The following SRGAP2 variants were observed in gnomAD, a reference collection of about 807,000 sequenced individuals.
SRGAP2 encodes the protein SLIT-ROBO Rho GTPase-activating protein 2.
A neutral mutation model predicts 57.2 loss-of-function variants in SRGAP2; 15 were observed. The ratio of observed to expected loss-of-function variants is 0.26; its 90% CI spans 0.18 to 0.40. SRGAP2 has a LOEUF of 0.40. SRGAP2 is among the 10% of genes least tolerant of loss of function. The pLI, the probability that SRGAP2 is intolerant of heterozygous loss-of-function variation, is 1.00. For missense variants in SRGAP2, 520 were observed against 669.6 expected (o/e 0.78, Z 2.47); for synonymous variants, 249 against 248.0 (o/e 1.00, Z -0.04).
intron 2 of SRGAP2, among the ~76,000 whole-genome samples, chr1:206,249,554 G>A (rs183859483): frequency 6.7e-6 from 1 of 148,980 alleles, no homozygotes; most frequent in African/African-American, 2.5e-5. Context: ...GAGAACATAC[G>A]GGCACAGTGT....
chr1:206,363,978 C>T (rs523647), intron 4 of SRGAP2, among the ~76,000 whole-genome samples: 79,174 of 145,774 alleles, frequency 0.54, 22,035 homozygotes, highest in East Asian at 0.72. Flanking sequence ...CTGAAACAAT[C>T]CTACTAGCGG....
intron 10 of SRGAP2, among the ~76,000 whole-genome samples, chr1:206,415,119 TC>T (rs1442397755): frequency 6.6e-6 from 1 of 152,186 alleles, no homozygotes; most frequent in Admixed American, 6.5e-5. Context: ...TGATGATAGT[TC>T]CTAGGGTTGT....
At chr1:206,422,322 C>T (rs1660395367) in intron 13 of SRGAP2, among the ~76,000 whole-genome samples, 1 of 152,184 alleles carries the variant, frequency 6.6e-6, no homozygotes, top group Non-Finnish European at 1.5e-5. Context: ...ACTATTTTCC[C>T]CTTCTCTACT....
At chr1:206,238,905 A>G (rs1366342557) in intron 2 of SRGAP2, among the ~76,000 whole-genome samples, 1 of 146,692 alleles carries the variant, frequency 6.8e-6, no homozygotes, top group African/African-American at 2.5e-5. Flanking sequence ...CTTGTGAACA[A>G]GCTGCTTGCA....
At chr1:206,452,812 G>A (rs1243666776) in intron 19 of SRGAP2, among the ~76,000 whole-genome samples, 1 of 150,824 alleles carries the variant, frequency 6.6e-6, no homozygotes, top group African/African-American at 2.5e-5. Context: ...CGTAAACCCG[G>A]GAGGCAGAGG....
At chr1:206,253,736 C>T (rs1300381966) in intron 2 of SRGAP2, among the ~76,000 whole-genome samples, 3 of 151,272 alleles carry the variant, frequency 2.0e-5, no homozygotes, top group African/African-American at 4.9e-5. Flanking sequence ...CGCCCGCCAC[C>T]AGGCCCGGCT....
chr1:206,212,889 GA>G (rs1220728102), intron 2 of SRGAP2, among the ~76,000 whole-genome samples: 5 of 126,836 alleles, frequency 3.9e-5, no homozygotes, highest in South Asian at 2.8e-4. Context: ...ATCTTTGCAA[GA>G]AAAAAAAACA....
intron 2 of SRGAP2, among the ~76,000 whole-genome samples, chr1:206,241,318 T>A (rs1310401144): frequency 6.6e-6 from 1 of 152,164 alleles, no homozygotes; most frequent in Non-Finnish European, 1.5e-5. Flanking sequence ...CGGGAGTGGC[T>A]AGCCCTTGTT....
intron 2 of SRGAP2, among the ~76,000 whole-genome samples, chr1:206,258,226 T>C (rs1669315254): frequency 6.6e-6 from 1 of 151,954 alleles, no homozygotes; most frequent in Admixed American, 6.6e-5. Flanking sequence ...GAATAAGCCA[T>C]ATTGGAACAG....
At chr1:206,383,538 T>C (rs1260151834) in intron 4 of SRGAP2, among the ~76,000 whole-genome samples, 4 of 152,154 alleles carry the variant, frequency 2.6e-5, no homozygotes, top group Non-Finnish European at 5.9e-5. Context: ...GTAAGAAATA[T>C]AGTTCCATCC....
intron 3 of SRGAP2, among the ~76,000 whole-genome samples, chr1:206,337,071 G>A (rs1329190167): frequency 1.4e-5 from 2 of 143,366 alleles, no homozygotes; most frequent in African/African-American, 5.9e-5. Flanking sequence ...ATGCAGATTG[G>A]CGGGTTTGAT....
chr1:206,283,125 A>G (rs1283255176), intron 2 of SRGAP2, among the ~76,000 whole-genome samples: 47 of 152,126 alleles, frequency 3.1e-4, no homozygotes, highest in Non-Finnish European at 5.0e-4. Context: ...TTCTTCCCAT[A>G]GGTAATTCCA....
chr1:206,221,946 CTT>C (rs782815485), intron 2 of SRGAP2, among the ~76,000 whole-genome samples: 3 of 35,262 alleles, frequency 8.5e-5, no homozygotes, highest in African/African-American at 3.8e-4. Context: ...GATATCCGGC[CTT>C]TTTTTTTTTT....
intron 2 of SRGAP2, among the ~76,000 whole-genome samples, chr1:206,241,843 T>C (rs1353950280): frequency 6.6e-6 from 1 of 151,916 alleles, no homozygotes; most frequent in East Asian, 1.9e-4. Flanking sequence ...ATGATTGCTC[T>C]ATGGATTTAA....
At chr1:206,394,047 T>A in intron 7 of SRGAP2, among the ~76,000 whole-genome samples, 1 of 89,242 alleles carries the variant, frequency 1.1e-5, no homozygotes, top group African/African-American at 5.0e-5. Flanking sequence ...CCTTTTTTTT[T>A]TTTTTTTTTT....
chr1:206,281,925 C>A (rs1380473936), intron 2 of SRGAP2, among the ~76,000 whole-genome samples: 14,259 of 134,976 alleles, frequency 0.11, 1,991 homozygotes, highest in African/African-American at 0.31. Context: ...AAAAAAAAAA[C>A]AAAAAAAAAC....
At chr1:206,371,667 C>T (rs1383957053) in intron 4 of SRGAP2, among the ~76,000 whole-genome samples, 1 of 150,556 alleles carries the variant, frequency 6.6e-6, no homozygotes, top group Non-Finnish European at 1.5e-5. Context: ...GGAGGCAGAG[C>T]TTGCAGTGAG....
At chr1:206,386,089 C>A (rs1451076834) in intron 5 of SRGAP2, among the ~76,000 whole-genome samples, 11 of 152,202 alleles carry the variant, frequency 7.2e-5, no homozygotes, top group African/African-American at 2.6e-4. Flanking sequence ...TTTGGCAATG[C>A]CTGAAGACAT....
chr1:206,354,960 AATATG>A (rs1360669161), intron 4 of SRGAP2, among the ~76,000 whole-genome samples: 1 of 152,122 alleles, frequency 6.6e-6, no homozygotes, highest in African/African-American at 2.4e-5. Flanking sequence ...AGAAAGCAAA[AATATG>A]ATATAAAGAA....
Sources: allele counts gnomAD v4.1 joint callset (sites outside exome capture counted in the v4.1 genomes callset), GRCh38; gene constraint gnomAD v4.1.1; transcripts MANE v1.5; gene names NCBI Gene and HGNC (gene_info 2026-07-23, HGNC 2026-07-21).